The following RELN variants were observed in gnomAD, a reference collection of about 807,000 sequenced individuals.
The protein encoded by RELN is reelin.
Under a neutral mutation model 427.6 loss-of-function variants are expected in RELN, and 108 were observed. The ratio of observed to expected loss-of-function variants is 0.25; its 90% CI spans 0.22 to 0.30. The LOEUF (loss-of-function observed/expected upper bound fraction) is 0.30, where lower values mean the gene tolerates loss of function less well. Among genes scored for constraint, RELN ranks in the 10% least tolerant of loss-of-function variants. RELN has a pLI of 1.00. For missense variants in RELN, 3,715 were observed against 4,302.8 expected, an observed-to-expected ratio of 0.86 and a Z score of 3.82; for synonymous variants, 1,524 against 1,513.4, an observed-to-expected ratio of 1.01 and a Z score of -0.16.
chr7:103,987,211 A>G (rs1039402534), intron 1 of RELN, among the ~76,000 whole-genome samples: 2 of 152,214 alleles, frequency 1.3e-5, no homozygotes, highest in Non-Finnish European at 2.9e-5. Flanking sequence ...GACCTTTCAT[A>G]ACTTACATAA....
chr7:103,740,806 T>C (rs1790625955), intron 6 of RELN, among the ~76,000 whole-genome samples: 1 of 152,242 alleles, frequency 6.6e-6, no homozygotes, highest in South Asian at 2.1e-4. Flanking sequence ...AATTTCTCTT[T>C]TGCTTAACAA....
chr7:103,604,496 T>C lies in RELN; in HGVS notation c.3009-13A>G. 2 of 1,613,736 alleles carry C rather than the reference T, an allele frequency of 1.2e-6. No homozygotes were observed. Among genetic ancestry groups the C allele is most frequent in the East Asian group, 4.5e-5 (2 of 44,830 alleles). On this transcript the variant is annotated splice_polypyrimidine_tract_variant and intron_variant, in intron 22 of 64. Coordinates refer to ENST00000428762, the MANE Select transcript of RELN (RefSeq NM_005045.4). The stretch of plus-strand genomic sequence containing the variant: ...GGTAGCACTGGACCTAGAAACACGG[T>C]ATAGTATAACAAAAACGGTTTCAAC...
chr7:103,782,959 A>G (rs1470049900), intron 3 of RELN, among the ~76,000 whole-genome samples: 3 of 152,132 alleles, frequency 2.0e-5, no homozygotes, highest in African/African-American at 7.2e-5. Context: ...GCATTCGTTA[A>G]TCAGCATTCT....
In RELN at chr7:103,770,466, C is replaced by G. The variant is rs138751296; in HGVS notation, c.544+6091G>C. Among the ~76,000 whole-genome samples, 149 of 152,258 alleles carry G rather than the reference C, an allele frequency of 9.8e-4. 1 individual carries two copies. The East Asian group carries it at 0.026, about 27-fold the overall frequency. ...ATGGTTCCCCCATGGTTTGCCTTCT[C>G]CCACACTGCAACAAGCACTAAAGCA... On this transcript the variant is annotated intron_variant, in intron 4 of 64. Transcript: ENST00000428762.
At position 103,515,419 on chromosome 7, in the gene RELN, G is replaced by C. The variant is rs140515422; in HGVS notation, c.7885C>G (p.Pro2629Ala). The change falls in exon 50 of 65, where the codon CCT becomes GCT. Residue 2629 changes from proline (P) to alanine (A), a missense_variant. Pro to Ala is a conservative substitution (Grantham distance 27, BLOSUM62 -1). Transcript: ENST00000428762. ...KPGFVNILLP[P>A]DAKEIATRFR... ...CGAGTGGCAATCTCTTTAGCATCAG[G>C]AGGGAGAAGGATATTCACAAATCTA... The C allele has an allele frequency of 2.5e-6, 4 of 1,614,026 alleles. No homozygotes were observed. In the African/African-American group the frequency reaches 5.3e-5, roughly 22 times the overall value.
Position 103,700,418 on chromosome 7 carries a change from A to G in RELN, c.902+492T>C, listed in dbSNP as rs1037743672. On this transcript the variant is annotated intron_variant, in intron 9 of 64. Coordinates refer to ENST00000428762, the MANE Select transcript of RELN (RefSeq NM_005045.4). Reference sequence around the variant, plus strand: ...ATATGTAATTACAAGTCGCATCACAATTATGTTAATAGAATTTTAGAACTG... The same window carrying G: ...ATATGTAATTACAAGTCGCATCACAGTTATGTTAATAGAATTTTAGAACTG... Among the ~76,000 whole-genome samples the G allele has an allele frequency of 2.0e-5, 3 of 152,150 alleles. 1 individual carries two copies. The highest frequency in any genetic ancestry group is 4.4e-5 in the Non-Finnish European group (3 of 68,002).
intron 10 of RELN, among the ~76,000 whole-genome samples, chr7:103,694,857 GTCTC>G (rs1833945273): frequency 6.6e-6 from 1 of 151,266 alleles, no homozygotes; most frequent in Non-Finnish European, 1.5e-5. Flanking sequence ...TAGAGACAGG[GTCTC>G]TCTATGTTGT....
chr7:103,793,139 A>G (rs1792208731), intron 3 of RELN, among the ~76,000 whole-genome samples: 1 of 152,170 alleles, frequency 6.6e-6, no homozygotes, highest in South Asian at 2.1e-4. Flanking sequence ...GAGCCCAGGG[A>G]GAGAATAATT....
chr7:103,865,369 A>G (rs1394698467), intron 2 of RELN, among the ~76,000 whole-genome samples: 2 of 142,072 alleles, frequency 1.4e-5, no homozygotes, highest in Non-Finnish European at 3.1e-5. Context: ...CTTGCAATAA[A>G]TTGAAGGGAT....
At chr7:103,952,890 T>C (rs1469275555) in intron 1 of RELN, among the ~76,000 whole-genome samples, 1 of 152,206 alleles carries the variant, frequency 6.6e-6, no homozygotes, top group Admixed American at 6.5e-5. Context: ...TTTAATTCCA[T>C]CTTTACTAAC....
At chr7:103,646,783 A>G (rs1832805807) in intron 16 of RELN, among the ~76,000 whole-genome samples, 1 of 151,878 alleles carries the variant, frequency 6.6e-6, no homozygotes, top group African/African-American at 2.4e-5. Flanking sequence ...GTCAGTATAA[A>G]CCTGATACCA....
chr7:103,903,904 G>A (rs1197724519), intron 2 of RELN, among the ~76,000 whole-genome samples: 1 of 151,714 alleles, frequency 6.6e-6, no homozygotes, highest in African/African-American at 2.4e-5. Context: ...TGTTACATAG[G>A]TATACATGTG....
intron 1 of RELN, among the ~76,000 whole-genome samples, chr7:103,973,175 G>A (rs539347357): frequency 6.6e-6 from 1 of 152,322 alleles, no homozygotes; most frequent in African/African-American, 2.4e-5. Context: ...CCCATTTGGT[G>A]CATGTGACAG....
rs1828897263 is a variant in RELN at position 103,498,126 on chromosome 7, A to C, written c.8794T>G (p.Ser2932Ala). ...TGTGTAACCGCTTGTCTCACAGTGG[A>C]TCCCCCAAAATAGAGTGCAGTGTCC... ...AEDTALYFGG[S>A]TVRQAVTQDL... Residue 2932 changes from serine (S) to alanine (A), a missense_variant, in exon 54 of 65, where the codon TCC (serine) becomes GCC (alanine). This residue lies in a region of RELN where 1,310 missense variants were observed against 1,643.0 expected (regional missense o/e 0.80). Coordinates refer to ENST00000428762, the MANE Select transcript of RELN (RefSeq NM_005045.4). 2 of 1,614,028 alleles carry C rather than the reference A, an allele frequency of 1.2e-6. No individual in the cohort carries two copies. The highest frequency in any genetic ancestry group is 1.7e-6 in the Non-Finnish European group (2 of 1,180,020).
rs368022484 is a variant in RELN, at chr7:103,809,151, CT to C, written c.473+24385del. On this transcript the variant is annotated intron_variant, in intron 3 of 64. Transcript: ENST00000428762. ...GCATTACAATTCTGAGGAGCATTGC[CT>C]TTCCAATTCTGAGGGACACATTTCC... Among the ~76,000 whole-genome samples, 87 of 152,286 alleles carry C rather than the reference CT, an allele frequency of 5.7e-4. 1 individual carries two copies. Among genetic ancestry groups the C allele is most frequent in the Middle Eastern group, 3.4e-3 (1 of 294 alleles).
chr7:103,706,201 G>C (rs1834196204), intron 8 of RELN, among the ~76,000 whole-genome samples: 1 of 151,028 alleles, frequency 6.6e-6, no homozygotes, highest in African/African-American at 2.5e-5. Context: ...AGTAGGGAAA[G>C]AGAAGAATCT....
chr7:103,526,471 A>G (rs1176969848), intron 46 of RELN, among the ~76,000 whole-genome samples: 1 of 152,172 alleles, frequency 6.6e-6, no homozygotes, highest in Non-Finnish European at 1.5e-5. Flanking sequence ...AAATGAGATG[A>G]TTTTTAAGGC....
intron 57 of RELN, among the ~76,000 whole-genome samples, chr7:103,494,818 A>G (rs1315587756): frequency 6.6e-6 from 1 of 152,166 alleles, no homozygotes; most frequent in Non-Finnish European, 1.5e-5. Context: ...GGAAGTTCCA[A>G]CAGGACTAAT....
chr7:103,604,414 G>A lies in RELN; in HGVS notation c.3078C>T (p.Ser1026=). Residue 1026 remains serine, a synonymous_variant, in exon 23 of 65, where the codon AGC becomes AGT. Transcript: ENST00000428762. Reference sequence around the variant, plus strand: ...TGGGGCACTGCTGCCCAATGTAAATGCTGTCCAAAGCCCACTCGTCTTGAG... The same window carrying A: ...TGGGGCACTGCTGCCCAATGTAAATACTGTCCAAAGCCCACTCGTCTTGAG... ...YTAQDEWALD[S]IYIGQQCPNM... 6 of 1,613,918 alleles carry A rather than the reference G, an allele frequency of 3.7e-6. No homozygotes were observed. Among genetic ancestry groups the A allele is most frequent in the Non-Finnish European group, 4.2e-6 (5 of 1,179,858 alleles).
Sources: gnomAD v4.1 joint callset for allele counts (sites outside exome capture counted in the v4.1 genomes callset) on GRCh38, gnomAD v4.1.1 for gene constraint, gnomAD v4.1.1 regional missense constraint, MANE v1.5 for transcripts, NCBI Gene and HGNC (gene_info 2026-07-23, HGNC 2026-07-21) for gene names.